MRC2: variants seen among roughly 807,000 people sequenced by gnomAD.
The protein encoded by MRC2 is C-type mannose receptor 2.
A neutral mutation model predicts 206.2 loss-of-function variants in MRC2; 84 were observed. The observed-to-expected ratio is 0.41, with a 90% CI of 0.34 to 0.49. MRC2 has a LOEUF of 0.49. MRC2 is among the 20% of genes least tolerant of loss of function. MRC2 has a pLI of 0.31. For synonymous variants in MRC2, 798 were observed against 800.0 expected, an observed-to-expected ratio of 1.00 and a Z score of 0.04; for missense variants, 1,676 against 2,001.5, an observed-to-expected ratio of 0.84 and a Z score of 3.10.
intron 1 of MRC2, among the ~76,000 whole-genome samples, chr17:62,635,191 CTT>C (rs35446845): frequency 0.01 from 1,052 of 101,696 alleles, 17 homozygotes; most frequent in African/African-American, 0.031. Flanking sequence ...CTATTTTTCT[CTT>C]TTTTTTTTTT....
At chr17:62,635,636 A>C (rs990922127) in intron 1 of MRC2, among the ~76,000 whole-genome samples, 5 of 152,170 alleles carry the variant, frequency 3.3e-5, no homozygotes, top group Non-Finnish European at 7.3e-5. Context: ...TGCAGCATGC[A>C]TGCTGTTCAT....
At position 62,652,553 on chromosome 17, in the gene MRC2, C is replaced by T. The variant is rs529974197; in HGVS notation, c.119-11995C>T. On this transcript the variant is annotated intron_variant, in intron 1 of 29. Transcript: ENST00000303375. This position sits in a 1 kb window ranked among gnomAD's most constrained non-coding sequence, Gnocchi z 4.6. ...GGAGCCAGCCGTCGTTGTGAAAATT[C>T]CCCCCACGGGGAAGGAAGTGGCTCT... Among the ~76,000 whole-genome samples, 40 of 152,320 alleles carry T rather than the reference C, an allele frequency of 2.6e-4. No homozygotes were observed. In the South Asian group the frequency reaches 7.3e-3, roughly 28 times the overall value.
chr17:62,682,180 A>ATGCCCTGCCC, intron 19 of MRC2, 55 bp from the exon 20 acceptor site: 1 of 1,481,586 alleles, frequency 6.7e-7, no homozygotes, highest in South Asian at 1.3e-5. Flanking sequence ...GCTGCCAGCC[A>ATGCCCTGCCC]TGCCCTGCCC....
intron 1 of MRC2, among the ~76,000 whole-genome samples, chr17:62,632,032 G>T (rs1344898720): frequency 6.6e-6 from 1 of 152,120 alleles, no homozygotes; most frequent in Non-Finnish European, 1.5e-5. Context: ...AGATGGGAGG[G>T]GGCCGCTTTC....
rs762840558 is a variant in MRC2, at chr17:62,680,484, A to G, written c.2473+31A>G. ...CACCCCCCAGCCCATCCCGCTACCC[A>G]TCGCGTGGGAGAGGGCGTCAACTCT... On this transcript the variant is annotated intron_variant, in intron 16 of 29. Transcript: ENST00000303375. The surrounding 1 kb of genome is among the most constrained non-coding windows in gnomAD (Gnocchi z 4.8). The G allele has an allele frequency of 3.1e-6, 5 of 1,613,306 alleles. No individual in the cohort carries two copies. Among genetic ancestry groups the G allele is most frequent in the South Asian group, 1.1e-5 (1 of 91,046 alleles).
At chr17:62,639,606 TC>T (rs1568049395) in intron 1 of MRC2, among the ~76,000 whole-genome samples, 1 of 152,114 alleles carries the variant, frequency 6.6e-6, no homozygotes, top group Non-Finnish European at 1.5e-5. Context: ...GATATTAATC[TC>T]AAAGATAAAA....
At chr17:62,653,841 T>G (rs917568817) in intron 1 of MRC2, among the ~76,000 whole-genome samples, 1 of 152,012 alleles carries the variant, frequency 6.6e-6, no homozygotes, top group Admixed American at 6.6e-5. Context: ...GGGCGGGGTA[T>G]TGGGCTTCGA....
Position 62,680,576 on chromosome 17 carries a change from C to T in MRC2, c.2473+123C>T. 1 of 1,436,456 alleles carries T rather than the reference C, an allele frequency of 7.0e-7. No homozygotes were observed. Among genetic ancestry groups the T allele is most frequent in the Non-Finnish European group, 9.6e-7 (1 of 1,044,156 alleles). 89.0% of individuals were successfully genotyped at this position (1,436,456 alleles called of 1,614,324 possible). ...GGAGTTCCGGTCGAGAGAAGGGGGA[C>T]GGGGTTGGCTCGGACGGAGGCAGCC... On this transcript the variant is annotated intron_variant, in intron 16 of 29. Transcript: ENST00000303375. This position sits in a 1 kb window ranked among gnomAD's most constrained non-coding sequence, Gnocchi z 4.8.
Position 62,639,747 on chromosome 17 carries a change from C to T in MRC2, c.118+11827C>T, listed in dbSNP as rs937513937. The stretch of plus-strand genomic sequence containing the variant: ...TTAAGCAATGCTCCCGCCTAAGCCT[C>T]CTGAGTTGTTGGGACTACAGGCTTG... On this transcript the variant is annotated intron_variant, in intron 1 of 29. Transcript: ENST00000303375. Among the ~76,000 whole-genome samples the T allele has an allele frequency of 5.9e-5, 9 of 152,298 alleles. No homozygotes were observed. The East Asian group carries it at 1.7e-3, about 29-fold the overall frequency.
chr17:62,678,438 C>A, intron 12 of MRC2, 66 bp from the exon 13 acceptor site: 1 of 1,568,578 alleles, frequency 6.4e-7, no homozygotes, highest in Non-Finnish European at 8.6e-7. Flanking sequence ...GTGGGAAAGG[C>A]AGTAGGTGCC....
intron 28 of MRC2, 125 bp downstream of exon 28, chr17:62,691,253 C>A: frequency 8.9e-7 from 1 of 1,117,616 alleles, no homozygotes; most frequent in South Asian, 1.7e-5. Flanking sequence ...ACAGAACGGA[C>A]TGCGGGCAGC....
chr17:62,633,264 A>G (rs2088267657), intron 1 of MRC2, among the ~76,000 whole-genome samples: 1 of 152,102 alleles, frequency 6.6e-6, no homozygotes, highest in South Asian at 2.1e-4. Context: ...GCACTTTGGG[A>G]GGCCGAGGCG....
At position 62,634,830 on chromosome 17, in the gene MRC2, CTTT is replaced by C. The variant is rs773204542; in HGVS notation, c.118+6926_118+6928del. ...TCTGGTTTGAACACCTCTGATACAA[CTTT>C]TTTTTTTTTTTTTTTAGGACGGAGT... On this transcript the variant is annotated intron_variant, in intron 1 of 29. Coordinates refer to ENST00000303375, the MANE Select transcript of MRC2 (RefSeq NM_006039.5). Among the ~76,000 whole-genome samples the C allele has an allele frequency of 2.8e-5, 4 of 140,546 alleles. No individual in the cohort carries two copies. In the South Asian group the frequency reaches 6.9e-4, roughly 24 times the overall value. The allele number at this position is 140,546 out of a possible 152,430, so 92.2% of individuals were successfully genotyped here.
chr17:62,658,176 G>A (rs2088639888), intron 1 of MRC2, among the ~76,000 whole-genome samples: 2 of 152,178 alleles, frequency 1.3e-5, no homozygotes, highest in South Asian at 2.1e-4. Flanking sequence ...CTCGGCCCTT[G>A]GGAGGCACAG....
In MRC2 at chr17:62,689,743, G is replaced by GGGCT; in HGVS notation, c.3564_3567dup (p.Glu1190TrpfsTer47). Reference sequence around the variant, plus strand: ...AGGGCTGCGCACGCCGCTCTGGATTGGGCTGGCTGGCGAGGAGGTGGGCTC... The same window carrying GGGCT: ...AGGGCTGCGCACGCCGCTCTGGATTGGGCTGGCTGGCTGGCGAGGAGGTGGGCTC... On this transcript the variant is annotated frameshift_variant, in exon 24 of 30. Transcript: ENST00000303375. LOFTEE classifies it high-confidence loss of function. 1.3e-6 allele frequency: 2 copies of GGGCT among 1,551,694 alleles called. No individual in the cohort carries two copies. The highest frequency in any genetic ancestry group is 1.7e-6 in the Non-Finnish European group (2 of 1,148,816).
At chr17:62,647,186 C>CTTTTTTTTT (rs34733419) in intron 1 of MRC2, among the ~76,000 whole-genome samples, 1 of 136,368 alleles carries the variant, frequency 7.3e-6, no homozygotes, top group African/African-American at 2.7e-5. Context: ...TTTTCTTTTT[C>CTTTTTTTTT]TTTTTTTTTT....
Position 62,652,443 on chromosome 17 carries a change from C to A in MRC2, c.119-12105C>A, listed in dbSNP as rs972003233. Among the ~76,000 whole-genome samples the A allele has an allele frequency of 3.9e-5, 6 of 152,238 alleles. No homozygotes were observed. ...AGGCTCTGCCTCCGCCCCCGCGCTCCGGGTCCCATTCCCGAATTCTGCCCT... is the reference window on the plus strand; with the variant it reads ...AGGCTCTGCCTCCGCCCCCGCGCTCAGGGTCCCATTCCCGAATTCTGCCCT... On this transcript the variant is annotated intron_variant, in intron 1 of 29. Coordinates refer to ENST00000303375, the MANE Select transcript of MRC2 (RefSeq NM_006039.5). This position sits in a 1 kb window ranked among gnomAD's most constrained non-coding sequence, Gnocchi z 4.6.
intron 2 of MRC2, 127 bp downstream of exon 2, chr17:62,665,076 A>T: frequency 1.9e-6 from 2 of 1,039,218 alleles, no homozygotes; most frequent in Non-Finnish European, 2.7e-6. Context: ...ATGTTTAATT[A>T]TAATAGGAAG....
rs560955820 is a variant in MRC2 at position 62,675,566 on chromosome 17, G to A, written c.1570-224G>A. On this transcript the variant is annotated intron_variant, in intron 9 of 29. Transcript: ENST00000303375. The surrounding 1 kb of genome is among the most constrained non-coding windows in gnomAD (Gnocchi z 4.1). ...CGCTGGTGGCCTGCCAATCAGCCAC[G>A]CTGGGGCTGGGCCTCCACCCCAGCT... Among the ~76,000 whole-genome samples, 87 of 152,298 alleles carry A rather than the reference G, an allele frequency of 5.7e-4. 1 individual carries two copies. In the South Asian group the frequency reaches 0.015, roughly 26 times the overall value.
Sources: gnomAD v4.1 joint callset for allele counts (sites outside exome capture counted in the v4.1 genomes callset) on GRCh38, gnomAD v4.1.1 for gene constraint, Gnocchi (gnomAD v3.1) non-coding constraint, MANE v1.5 for transcripts, NCBI Gene and HGNC (gene_info 2026-07-23, HGNC 2026-07-21) for gene names.